GPR135: variants seen among roughly 807,000 people sequenced by gnomAD.
The protein encoded by GPR135 is G-protein coupled receptor 135.
GPR135 carries 17 observed loss-of-function variants against 15.0 expected under a neutral mutation model. The ratio of observed to expected loss-of-function variants is 1.13; its 90% CI spans 0.78 to 1.70. GPR135 has a LOEUF of 1.70. GPR135 is among the 40% of genes most tolerant of loss of function. GPR135 has a pLI of 0.00. For missense variants in GPR135, 776 were observed against 727.0 expected, an observed-to-expected ratio of 1.07 and a Z score of -0.78; for synonymous variants, 368 against 349.4, an observed-to-expected ratio of 1.05 and a Z score of -0.59.
Position 59,464,967 on chromosome 14 carries a change from C to T in GPR135, c.260G>A (p.Arg87Gln). ...CGGCGCCGCCTCCGGGCCTAGCGGC[C>T]GCCTCACCGCCGCCCCCGCCTCCCG... ...AAREAGAAVR[R>Q]PLGPEAAPLL... Residue 87 changes from arginine to glutamine, a missense_variant, in exon 1 of 1, where the codon CGG becomes CAG. By Grantham distance (43) the Arg-to-Gln change is conservative (BLOSUM62 1). Coordinates refer to ENST00000395116, the MANE Select transcript of GPR135 (RefSeq NM_022571.6). 1 of 1,490,032 alleles carries T rather than the reference C, an allele frequency of 6.7e-7. No individual in the cohort carries two copies. Among genetic ancestry groups the T allele is most frequent in the Non-Finnish European group, 8.9e-7 (1 of 1,123,892 alleles). 92.3% of individuals were successfully genotyped at this position (1,490,032 alleles called of 1,614,324 possible).
At chr14:59,456,456 A>G (rs1376285840), downstream of GPR135, 1 of 152,230 alleles carries the variant, frequency 6.6e-6, no homozygotes, top group Non-Finnish European at 1.5e-5. Flanking sequence ...GTAACCCACG[A>G]TGTAAATAGT....
At chr14:59,452,847 A>G (rs1422871870) in intron 6 of GPR135, among the ~76,000 whole-genome samples, 4 of 152,242 alleles carry the variant, frequency 2.6e-5, no homozygotes, top group African/African-American at 9.6e-5. Context: ...CCATCAGTAA[A>G]TAAGCAGATA....
downstream of GPR135, among the ~76,000 whole-genome samples, chr14:59,456,715 G>A (rs1256007851): frequency 6.6e-6 from 1 of 152,104 alleles, no homozygotes; most frequent in East Asian, 1.9e-4. Context: ...TATAAAATTA[G>A]AGATAACCTG....
rs571296260 is a variant in GPR135, at chr14:59,461,214, C to T, written c.*2528G>A. The T allele has an allele frequency of 7.9e-5, 12 of 152,172 alleles. No individual in the cohort carries two copies. The highest frequency in any genetic ancestry group is 3.3e-4 in the Admixed American group (5 of 15,286). The allele number at this position is 152,172 out of a possible 1,614,324, so 9.4% of individuals were successfully genotyped here. A position where few individuals can be genotyped will look rare whatever the true frequency, so the allele number is the denominator to read the frequency against. ...AAACAAAAATGGTAGATGATGATCA[C>T]GATGATGATAATGATGACAGTACCA... On this transcript the variant is annotated 3_prime_UTR_variant, in exon 1 of 1. Coordinates refer to ENST00000395116, the MANE Select transcript of GPR135 (RefSeq NM_022571.6).
Position 59,464,933 on chromosome 14 carries a change from C to A in GPR135, c.294G>T (p.Ser98=), listed in dbSNP as rs983290642. 5.1e-6 allele frequency: 8 copies of A among 1,571,350 alleles called. No homozygotes were observed. The African/African-American group carries it at 1.1e-4, about 22-fold the overall frequency. ...CCTGGGCCGCCACTGCAGCTCCGTGCGACAGCAGCGGCGCCGCCTCCGGGC... is the reference window on the plus strand; with the variant it reads ...CCTGGGCCGCCACTGCAGCTCCGTGAGACAGCAGCGGCGCCGCCTCCGGGC... The part of the protein sequence containing the change: ...PLGPEAAPLL[S]HGAAVAAQAL... The change falls in exon 1 of 1, where the codon TCG becomes TCT. Residue 98 remains serine, a synonymous_variant. Transcript: ENST00000395116.
At chr14:59,460,564 A>C (rs1171342685), downstream of GPR135, 7 of 152,244 alleles carry the variant, frequency 4.6e-5, no homozygotes, top group African/African-American at 7.2e-5. Context: ...GTGTGATCAC[A>C]TAACACCTCT....
downstream of GPR135, among the ~76,000 whole-genome samples, chr14:59,458,170 A>T (rs759649816): frequency 6.6e-6 from 1 of 152,216 alleles, no homozygotes; most frequent in Non-Finnish European, 1.5e-5. Context: ...CTTGGAGAAC[A>T]ATAGCTTTAG....
Position 59,463,756 on chromosome 14 carries a change from C to T in GPR135, c.1471G>A (p.Asp491Asn). ...TTCCAACCGTCTTAGAGGCTGGTAT[C>T]CCCAGCTTCGGATTTAGGCTGTTTG... ...VTKQPKSEAGDTSL is the reference protein window; with the variant it reads ...VTKQPKSEAGNTSL Residue 491 changes from aspartate to asparagine, a missense_variant, in exon 1 of 1, where the codon GAT becomes AAT. Transcript: ENST00000395116. 6.3e-7 allele frequency: 1 copy of T among 1,598,818 alleles called. No homozygotes were observed. Among genetic ancestry groups the T allele is most frequent in the Non-Finnish European group, 8.5e-7 (1 of 1,170,654 alleles).
At chr14:59,455,446 C>T (rs542654477) in intron 6 of GPR135, among the ~76,000 whole-genome samples, 26 of 152,288 alleles carry the variant, frequency 1.7e-4, no homozygotes, top group Admixed American at 6.5e-4. Context: ...TGAAATGTTT[C>T]GTGAACCCAT....
At chr14:59,455,929 C>T (rs1888637317), downstream of GPR135, among the ~76,000 whole-genome samples, 1 of 152,180 alleles carries the variant, frequency 6.6e-6, no homozygotes, top group African/African-American at 2.4e-5. Flanking sequence ...ATCTCCCTAA[C>T]ACTTGAGGAT....
downstream of GPR135, among the ~76,000 whole-genome samples, chr14:59,457,723 C>A (rs558323469): frequency 1.3e-5 from 2 of 151,712 alleles, no homozygotes; most frequent in Admixed American, 6.5e-5. Flanking sequence ...TTTCAACATG[C>A]CTTCTTTTAC....
Position 59,465,009 on chromosome 14 carries a change from C to T in GPR135, c.218G>A (p.Gly73Asp). Residue 73 changes from glycine (G) to aspartate (D), a missense_variant, in exon 1 of 1, where the codon GGC (glycine) becomes GAC (aspartate). Gly to Asp is a moderately conservative substitution (Grantham distance 94, BLOSUM62 -1). Transcript: ENST00000395116. ...CGCCTCCCGCGCTGCCCCGGACCCG[C>T]CAAGGCCGCCGCCACCGGGAGCGGC... ...TAAAPGGGGL[G>D]GSGAAREAGA... 1.5e-6 allele frequency: 2 copies of T among 1,340,436 alleles called. No individual in the cohort carries two copies. Among genetic ancestry groups the T allele is most frequent in the Non-Finnish European group, 9.5e-7 (1 of 1,049,908 alleles). 83.0% of individuals were successfully genotyped at this position (1,340,436 alleles called of 1,614,324 possible).
chr14:59,464,648 G>A lies in GPR135; in HGVS notation c.579C>T (p.Cys193=), dbSNP rs1889043204. The change falls in exon 1 of 1, where the codon TGC becomes TGT. Residue 193 remains cysteine (C), a synonymous_variant. Transcript: ENST00000395116. The part of the protein sequence containing the change: ...FCAASRFFSS[C]FGIVSTLSVA... ...CGCTGAGCGTGGACACGATGCCGAA[G>A]CACGAGCTGAAGAAGCGGCTGGCGG... 1 of 1,597,296 alleles carries A rather than the reference G, an allele frequency of 6.3e-7. No homozygotes were observed. The highest frequency in any genetic ancestry group is 8.5e-7 in the Non-Finnish European group (1 of 1,177,692).
chr14:59,453,290 T>TG (rs1393681890), intron 6 of GPR135, among the ~76,000 whole-genome samples: 2 of 152,066 alleles, frequency 1.3e-5, no homozygotes, highest in Non-Finnish European at 2.9e-5. Flanking sequence ...ACCTCTCTGG[T>TG]GGGGGATATT....
rs1295402450 is a variant in GPR135, at chr14:59,464,382, A to G, written c.845T>C (p.Val282Ala). The G allele has an allele frequency of 6.2e-7, 1 of 1,604,102 alleles. No homozygotes were observed. Residue 282 changes from valine (V) to alanine (A), a missense_variant, in exon 1 of 1, where the codon GTG becomes GCG. Transcript: ENST00000395116. ...GAAGGGCAGCAGGTAGCAGGCCACC[A>G]CCAGCCCCACGCTGAAGGCCGCGCC... ...QLGAAFSVGL[V>A]VACYLLPFLL...
chr14:59,456,491 T>C (rs891883710), downstream of GPR135: 1 of 152,208 alleles, frequency 6.6e-6, no homozygotes. Context: ...TTGGCAAAAC[T>C]GCAGGGAAAC....
Position 59,463,419 on chromosome 14 carries a change from T to G in GPR135, c.*323A>C. ...GTTGAACAATACTGGTTGCATTCAA[T>G]GTTTTGTTTGTTTCACAGTGTGGTC... On this transcript the variant is annotated 3_prime_UTR_variant, in exon 1 of 1. Transcript: ENST00000395116. 2 of 286,312 alleles carry G rather than the reference T, an allele frequency of 7.0e-6. No individual in the cohort carries two copies. Among genetic ancestry groups the G allele is most frequent in the Non-Finnish European group, 1.3e-5 (2 of 152,436 alleles). 17.7% of individuals were successfully genotyped at this position (286,312 alleles called of 1,614,324 possible).
chr14:59,459,181 G>T (rs967197458), downstream of GPR135, among the ~76,000 whole-genome samples: 3 of 152,204 alleles, frequency 2.0e-5, no homozygotes, highest in South Asian at 6.2e-4. Context: ...TGTTTAATTG[G>T]GATCCACAGA....
intron 6 of GPR135, among the ~76,000 whole-genome samples, chr14:59,454,860 G>C (rs1043553547): frequency 2.6e-5 from 4 of 152,180 alleles, no homozygotes; most frequent in African/African-American, 9.7e-5. Context: ...CCAGCACTTA[G>C]GGAGGCCGAG....
Sources: allele counts gnomAD v4.1 joint callset (sites outside exome capture counted in the v4.1 genomes callset), GRCh38; gene constraint gnomAD v4.1.1; transcripts MANE v1.5; gene names NCBI Gene and HGNC (gene_info 2026-07-23, HGNC 2026-07-21).